Variants in FRMPD2 observed in about 807,000 individuals in gnomAD.
The protein encoded by FRMPD2 is FERM and PDZ domain containing 2.
FRMPD2 carries 96 observed loss-of-function variants against 140.1 expected under a neutral mutation model. The observed-to-expected ratio is 0.69, with a 90% CI of 0.58 to 0.81. The LOEUF is 0.81. Ranked by LOEUF, FRMPD2 falls within the 40% of genes least tolerant of loss-of-function variation. The pLI is 0.00. For synonymous variants in FRMPD2, 449 were observed against 547.6 expected, an observed-to-expected ratio of 0.82 and a Z score of 2.52; for missense variants, 1,240 against 1,447.4, an observed-to-expected ratio of 0.86 and a Z score of 2.32.
intron 13 of FRMPD2, among the ~76,000 whole-genome samples, chr10:48,209,961 A>C (rs1319369700): frequency 6.6e-6 from 1 of 152,346 alleles, no homozygotes; most frequent in East Asian, 1.9e-4. Flanking sequence ...GATTATATAC[A>C]TACATAAAAG....
rs745865554 is a variant in FRMPD2, at chr10:48,244,824, G to T, written c.335C>A (p.Thr112Asn). 16 of 1,613,050 alleles carry T rather than the reference G, an allele frequency of 9.9e-6. No individual in the cohort carries two copies. The South Asian group carries it at 1.6e-4, about 17-fold the overall frequency. The change falls in exon 4 of 29, where the codon ACC becomes AAC. Residue 112 changes from threonine to asparagine, a missense_variant. By Grantham distance (65) the Thr-to-Asn change is moderately conservative. This residue lies in a region of FRMPD2 where 1,161 missense variants were observed against 1,055.9 expected (regional missense o/e 1.10). Coordinates refer to ENST00000374201, the MANE Select transcript of FRMPD2 (RefSeq NM_001018071.4). ...ATGAAACCCTGCTGACCAGTAGAGGGTCATTCCTAAAGAATAGACATGCAT... is the reference window on the plus strand; with the variant it reads ...ATGAAACCCTGCTGACCAGTAGAGGTTCATTCCTAAAGAATAGACATGCAT... ...SQMHVYSLGM[T>N]LYWSAGFHVP...
At chr10:48,254,512 C>T (rs968538901) in intron 1 of FRMPD2, among the ~76,000 whole-genome samples, 3 of 152,224 alleles carry the variant, frequency 2.0e-5, no homozygotes, top group Admixed American at 6.5e-5. Context: ...TAATTCTCTA[C>T]ACTAGCCCAC....
rs201844428 is a variant in FRMPD2 at position 48,185,648 on chromosome 10, A to G, written c.2267-3T>C. On this transcript the variant is annotated splice_region_variant and splice_polypyrimidine_tract_variant and intron_variant, in intron 17 of 28. Coordinates refer to ENST00000374201, the MANE Select transcript of FRMPD2 (RefSeq NM_001018071.4). ...CTTCCTCCTATTATTCTTTGAGCCT[A>G]GAGGTAGAATCAGAGCACCACATTG... The G allele has an allele frequency of 1.1e-5, 17 of 1,611,412 alleles. No individual in the cohort carries two copies. The highest frequency in any genetic ancestry group is 2.7e-5 in the African/African-American group (2 of 74,998).
chr10:48,184,042 G>A (rs1554792899), intron 20 of FRMPD2, among the ~76,000 whole-genome samples: 1 of 151,896 alleles, frequency 6.6e-6, no homozygotes, highest in Non-Finnish European at 1.5e-5. Flanking sequence ...TGATGAAATG[G>A]TCTGTATAGC....
intron 16 of FRMPD2, among the ~76,000 whole-genome samples, chr10:48,189,987 T>A (rs1472770195): frequency 6.6e-6 from 1 of 152,088 alleles, no homozygotes; most frequent in Non-Finnish European, 1.5e-5. Context: ...AGGCCTGGGG[T>A]GTTGAATAAC....
intron 13 of FRMPD2, among the ~76,000 whole-genome samples, chr10:48,211,653 G>T (rs1483735565): frequency 6.6e-6 from 1 of 151,892 alleles, no homozygotes; most frequent in Non-Finnish European, 1.5e-5. Context: ...ATGGTGGCAG[G>T]CGCCTGTAAT....
chr10:48,256,250 C>G (rs1840485704), intron 1 of FRMPD2, among the ~76,000 whole-genome samples: 1 of 149,500 alleles, frequency 6.7e-6, no homozygotes, highest in African/African-American at 2.4e-5. Context: ...GGGTCCCTGT[C>G]CCCTAGACAG....
intron 10 of FRMPD2, among the ~76,000 whole-genome samples, chr10:48,227,822 T>A (rs1025202229): frequency 6.6e-6 from 1 of 152,234 alleles, no homozygotes; most frequent in Non-Finnish European, 1.5e-5. Flanking sequence ...TAAATGTTTT[T>A]TGAGTTCAGG....
At chr10:48,172,476 G>C (rs1336997321) in intron 25 of FRMPD2, among the ~76,000 whole-genome samples, 1 of 152,212 alleles carries the variant, frequency 6.6e-6, no homozygotes, top group Non-Finnish European at 1.5e-5. Context: ...GTGCAGTTTT[G>C]TCCCTCTAAA....
chr10:48,208,031 C>A (rs571785049), intron 13 of FRMPD2, among the ~76,000 whole-genome samples: 3 of 152,022 alleles, frequency 2.0e-5, no homozygotes, highest in Admixed American at 6.6e-5. Flanking sequence ...TTTGGAGAGA[C>A]CCTGTCATCA....
chr10:48,238,790 T>C (rs1485545849), intron 7 of FRMPD2, among the ~76,000 whole-genome samples: 1 of 152,234 alleles, frequency 6.6e-6, no homozygotes, highest in African/African-American at 2.4e-5. Context: ...ATTGCAAAAA[T>C]GTCCACAGTT....
At chr10:48,230,043 G>A (rs1048010930) in intron 10 of FRMPD2, among the ~76,000 whole-genome samples, 2 of 152,018 alleles carry the variant, frequency 1.3e-5, no homozygotes, top group African/African-American at 2.4e-5. Flanking sequence ...GAGGCTGAAC[G>A]AACGGATGAA....
In FRMPD2 at chr10:48,255,787, A is replaced by C. The variant is rs767838022; in HGVS notation, c.26-4096T>G. Among the ~76,000 whole-genome samples, 47 of 152,306 alleles carry C rather than the reference A, an allele frequency of 3.1e-4. 1 individual carries two copies. The Middle Eastern group carries it at 0.014, about 44-fold the overall frequency. On this transcript the variant is annotated intron_variant, in intron 1 of 28. Transcript: ENST00000374201. ...TTTGGAAGTTGAGAAGGCACCAGCC[A>C]TGGGAAAAACTTCCCAGGTAGAGGG...
intron 14 of FRMPD2, 80 bp from the exon 15 acceptor site, chr10:48,201,464 G>T: frequency 7.2e-7 from 1 of 1,383,332 alleles, no homozygotes; most frequent in African/African-American, 1.4e-5. Flanking sequence ...AAAATGCTCG[G>T]TCCCTTGGTT....
intron 27 of FRMPD2, among the ~76,000 whole-genome samples, chr10:48,164,480 A>G (rs1199138057): frequency 2.0e-5 from 3 of 149,056 alleles, no homozygotes; most frequent in Non-Finnish European, 4.4e-5. Context: ...CCACCCCATG[A>G]TCTCCATACC....
intron 10 of FRMPD2, 82 bp from the exon 11 acceptor site, chr10:48,223,352 C>G: frequency 7.1e-7 from 1 of 1,401,598 alleles, no homozygotes; most frequent in Non-Finnish European, 9.7e-7. Flanking sequence ...TAAGCCCTAC[C>G]CAGAGTGTCA....
intron 20 of FRMPD2, among the ~76,000 whole-genome samples, chr10:48,182,707 G>A (rs1588811181): frequency 6.6e-6 from 1 of 152,314 alleles, no homozygotes. Flanking sequence ...TCATTGTCTG[G>A]AATTCTAATG....
At chr10:48,224,389 G>A (rs1038861307) in intron 10 of FRMPD2, among the ~76,000 whole-genome samples, 3 of 152,210 alleles carry the variant, frequency 2.0e-5, no homozygotes, top group African/African-American at 7.2e-5. Flanking sequence ...GTCCTGCCCA[G>A]TTTTGGAAGG....
At chr10:48,252,692 C>T (rs1840412483) in intron 1 of FRMPD2, among the ~76,000 whole-genome samples, 4 of 152,102 alleles carry the variant, frequency 2.6e-5, no homozygotes, top group Admixed American at 2.6e-4. Context: ...GAAAGGGAGC[C>T]GCAGCAGGAC....
Sources: gnomAD v4.1 joint callset for allele counts (sites outside exome capture counted in the v4.1 genomes callset) on GRCh38, gnomAD v4.1.1 for gene constraint, gnomAD v4.1.1 regional missense constraint, MANE v1.5 for transcripts, NCBI Gene and HGNC (gene_info 2026-07-23, HGNC 2026-07-21) for gene names.